COX4I1: variants seen among roughly 807,000 people sequenced by gnomAD.
COX4I1 encodes cytochrome c oxidase subunit 4 isoform 1, mitochondrial.
Under a neutral mutation model 21.7 loss-of-function variants are expected in COX4I1, and 18 were observed. The ratio of observed to expected loss-of-function variants is 0.83; its 90% CI spans 0.57 to 1.23. The LOEUF (loss-of-function observed/expected upper bound fraction) is 1.23, where lower values mean the gene tolerates loss of function less well. Ranked by LOEUF, COX4I1 falls within the 50% of genes most tolerant of loss-of-function variation. The pLI is 0.00. For missense variants in COX4I1, 238 were observed against 220.7 expected, an observed-to-expected ratio of 1.08 and a Z score of -0.50; for synonymous variants, 100 against 81.5, an observed-to-expected ratio of 1.23 and a Z score of -1.23.
intron 2 of COX4I1, chr16:85,803,400 G>C (rs1429854631): frequency 6.6e-6 from 1 of 152,218 alleles, no homozygotes; most frequent in Non-Finnish European, 1.5e-5. Context: ...TTGATTTACT[G>C]TTCACATGAT....
At chr16:85,805,242 C>A in intron 3 of COX4I1, 138 bp downstream of exon 3, 1 of 840,660 alleles carries the variant, frequency 1.2e-6, no homozygotes, top group Non-Finnish European at 1.8e-6. Context: ...TTCGGGGTCA[C>A]TGTGCCAGGG....
At chr16:85,802,562 T>C (rs1365148797) in intron 2 of COX4I1, among the ~76,000 whole-genome samples, 3 of 152,026 alleles carry the variant, frequency 2.0e-5, no homozygotes, top group African/African-American at 7.3e-5. Context: ...ACATAAGATA[T>C]TAAAGCAGTC....
chr16:85,805,775 G>T lies in COX4I1; in HGVS notation c.284G>T (p.Arg95Met), dbSNP rs1233820692. The change falls in exon 4 of 5, where the codon AGG becomes ATG. Residue 95 changes from arginine (R) to methionine (M), a missense_variant. Transcript: ENST00000253452. ...KFKESFAEMN[R>M]GSNEWKTVVG... ...AAGGAGAGCTTTGCTGAGATGAACA[G>T]GGGCTCGAACGAGTGGAAGACGGTT... 4.3e-6 allele frequency: 7 copies of T among 1,614,268 alleles called. No individual in the cohort carries two copies. The highest frequency in any genetic ancestry group is 5.1e-6 in the Non-Finnish European group (6 of 1,180,056).
chr16:85,801,341 A>G (rs1021094245), intron 2 of COX4I1, 63 bp downstream of exon 2: 2 of 1,443,338 alleles, frequency 1.4e-6, no homozygotes, highest in Admixed American at 3.4e-5. Flanking sequence ...CCTGCTGTGT[A>G]TAAAGCCCTG....
In COX4I1 at chr16:85,800,758, G is replaced by A. The variant is rs146936146; in HGVS notation, c.-1-447G>A. Among the ~76,000 whole-genome samples the A allele has an allele frequency of 5.5e-3, 834 of 152,170 alleles. 14 individuals are homozygous for A. The highest frequency in any genetic ancestry group is 0.019 in the African/African-American group (792 of 41,514). On this transcript the variant is annotated intron_variant, in intron 1 of 4. Coordinates refer to ENST00000253452, the MANE Select transcript of COX4I1 (RefSeq NM_001861.6). ...TCTACCTCAGCCTCCCAAGTAGCGG[G>A]GATTACGGGCGCCCACTACCATGCC...
chr16:85,801,502 AC>A (rs1370086034), intron 2 of COX4I1, among the ~76,000 whole-genome samples: 1 of 151,750 alleles, frequency 6.6e-6, no homozygotes, highest in Non-Finnish European at 1.5e-5. Flanking sequence ...TTCCCCACTT[AC>A]CCTTCCCTTC....
chr16:85,806,737 G>A lies in COX4I1; in HGVS notation c.374-1G>A. 6.2e-7 allele frequency: 1 copy of A among 1,614,084 alleles called. No individual in the cohort carries two copies. Among genetic ancestry groups the A allele is most frequent in the Admixed American group, 1.7e-5 (1 of 60,022 alleles). ...GCCCCATAACCTGTCTCACACCGTA[G>A]TGTACGGCCCCCTCCCGCAAAGCTT... On this transcript the variant is annotated splice_acceptor_variant, in intron 4 of 4. Transcript: ENST00000253452. LOFTEE classifies it high-confidence loss of function.
At chr16:85,804,836 C>G in intron 2 of COX4I1, 101 bp from the exon 3 acceptor site, 1 of 1,042,322 alleles carries the variant, frequency 9.6e-7, no homozygotes, top group Non-Finnish European at 1.4e-6. Context: ...TCCAGGGTTT[C>G]AAGGCGTGCA....
chr16:85,802,000 G>C (rs953273995), intron 2 of COX4I1, among the ~76,000 whole-genome samples: 1 of 152,150 alleles, frequency 6.6e-6, no homozygotes, highest in Non-Finnish European at 1.5e-5. Context: ...TTCAGGGAAG[G>C]CTTCTGGAGG....
chr16:85,802,536 CATGAATG>C (rs2152082243), intron 2 of COX4I1, among the ~76,000 whole-genome samples: 1 of 57,340 alleles, frequency 1.7e-5, no homozygotes, highest in East Asian at 5.7e-4. Flanking sequence ...ATGAATAATA[CATGAATG>C]TGTTCTCAAC....
intron 2 of COX4I1, chr16:85,803,468 T>G (rs1449405253): frequency 1.3e-5 from 2 of 152,230 alleles, no homozygotes; most frequent in African/African-American, 4.8e-5. Context: ...GTTGCGGGCA[T>G]TGTACCTCCA....
At chr16:85,802,707 A>C (rs1168493553) in intron 2 of COX4I1, among the ~76,000 whole-genome samples, 1 of 152,222 alleles carries the variant, frequency 6.6e-6, no homozygotes, top group Non-Finnish European at 1.5e-5. Flanking sequence ...AGCGGTGACA[A>C]ACATTCCTTA....
chr16:85,801,080 G>C (rs1905704922), intron 1 of COX4I1, 125 bp from the exon 2 acceptor site: 1 of 695,108 alleles, frequency 1.4e-6, no homozygotes, highest in Non-Finnish European at 2.6e-6. Context: ...CAGTGATAAA[G>C]AATGGATCAT....
At position 85,801,127 on chromosome 16, in the gene COX4I1, T is replaced by A. The variant is rs1905710502; in HGVS notation, c.-1-78T>A. ...AGAAGCAAACAAAAAAATTCCAAAA[T>A]GCTCTGGGGCAAAAAGAAGACTAAT... On this transcript the variant is annotated intron_variant, in intron 1 of 4. Transcript: ENST00000253452. 3 of 1,274,542 alleles carry A rather than the reference T, an allele frequency of 2.4e-6. No homozygotes were observed. In the African/African-American group the frequency reaches 4.5e-5, roughly 19 times the overall value. The allele number at this position is 1,274,542 out of a possible 1,614,324, so 79.0% of individuals were successfully genotyped here.
chr16:85,800,301 G>A (rs1905600537), intron 1 of COX4I1, among the ~76,000 whole-genome samples: 1 of 152,248 alleles, frequency 6.6e-6, no homozygotes, highest in Non-Finnish European at 1.5e-5. Context: ...GTCCTCCGAA[G>A]GGTCGATTTA....
intron 2 of COX4I1, among the ~76,000 whole-genome samples, chr16:85,801,994 G>C (rs1424475990): frequency 6.6e-6 from 1 of 152,160 alleles, no homozygotes; most frequent in Non-Finnish European, 1.5e-5. Context: ...GTGGGTTTCA[G>C]GGAAGGCTTC....
rs755549888 is a variant in COX4I1, at chr16:85,805,022, G to A, written c.159G>A (p.Lys53=). 4.2e-4 allele frequency: 671 copies of A among 1,614,072 alleles called. 6 individuals carry two copies. The Admixed American group carries it at 0.011, about 27-fold the overall frequency. The change falls in exon 3 of 5, where the codon AAG becomes AAA. Residue 53 remains lysine (K), a synonymous_variant. Coordinates refer to ENST00000253452, the MANE Select transcript of COX4I1 (RefSeq NM_001861.6). Reference sequence around the variant, plus strand: ...CCTTGCCGGAGGTGGCCCATGTCAAGCACCTGTCTGCCAGCCAGAAGGCAT... The same window carrying A: ...CCTTGCCGGAGGTGGCCCATGTCAAACACCTGTCTGCCAGCCAGAAGGCAT... ...DHPLPEVAHV[K]HLSASQKALK... is the part of the protein sequence containing the mutation.
intron 4 of COX4I1, chr16:85,806,216 G>T (rs2641798): frequency 0.99 from 583,940 of 589,038 alleles, 289,614 homozygotes; most frequent in East Asian, 1. Context: ...CTCATTCATT[G>T]AATGACTGTC....
At chr16:85,801,121 C>G (rs1484294958) in intron 1 of COX4I1, 84 bp from the exon 2 acceptor site, 2 of 1,197,450 alleles carry the variant, frequency 1.7e-6, no homozygotes. Flanking sequence ...CAAAAAAATT[C>G]CAAAATGCTC....
Sources: allele counts gnomAD v4.1 joint callset (sites outside exome capture counted in the v4.1 genomes callset), GRCh38; gene constraint gnomAD v4.1.1; transcripts MANE v1.5; gene names NCBI Gene and HGNC (gene_info 2026-07-23, HGNC 2026-07-21).